The following THBS2 variants were observed in gnomAD, a reference collection of about 807,000 sequenced individuals.
THBS2 encodes thrombospondin-2.
In THBS2, 47 loss-of-function variants were observed where a neutral mutation model predicts 135.2. That is an observed-to-expected ratio of 0.35 (90% CI 0.28 to 0.44). THBS2 has a LOEUF of 0.44. Ranked by LOEUF, THBS2 falls within the 20% of genes least tolerant of loss-of-function variation. THBS2 has a pLI of 1.00. For missense variants in THBS2, 1,288 were observed against 1,603.1 expected (o/e 0.80, Z 3.36); for synonymous variants, 639 against 633.8 (o/e 1.01, Z -0.12).
intron 15 of THBS2, 98 bp downstream of exon 15, chr6:169,228,024 T>A: frequency 7.1e-7 from 1 of 1,416,298 alleles, no homozygotes. Context: ...GAGATCGCAG[T>A]GAGCCAAGAT....
rs1401918247 is a variant in THBS2, at chr6:169,216,627, CATT to C, written c.*1192_*1194del. On this transcript the variant is annotated 3_prime_UTR_variant, in exon 22 of 22. Transcript: ENST00000617924. ...ATTTAAGGTTCCATCATAAACTCCT[CATT>C]ATTCTCTATGTATTCTGTTACAGCT... is the stretch of plus-strand genomic sequence containing the variant. 2.0e-5 allele frequency: 3 copies of C among 152,110 alleles called. No individual in the cohort carries two copies. The highest frequency in any genetic ancestry group is 3.2e-3 in the Middle Eastern group (1 of 316). 9.4% of individuals were successfully genotyped at this position (152,110 alleles called of 1,614,324 possible). A position where few individuals can be genotyped will look rare whatever the true frequency, so the allele number is the denominator to read the frequency against.
intron 9 of THBS2, among the ~76,000 whole-genome samples, 162 bp from the exon 10 acceptor site, chr6:169,235,069 G>C (rs752448466): frequency 3.3e-5 from 5 of 152,160 alleles, no homozygotes; most frequent in African/African-American, 1.2e-4. Flanking sequence ...GAGCGTGATC[G>C]CACCACTACG....
chr6:169,246,326 C>T, intron 3 of THBS2, 45 bp from the exon 4 acceptor site: 2 of 1,457,820 alleles, frequency 1.4e-6, no homozygotes, highest in Non-Finnish European at 1.9e-6. Flanking sequence ...AGATAAACAT[C>T]CAATGTTTGA....
chr6:169,246,110 C>CACACAT (rs1182915701), intron 4 of THBS2, 87 bp downstream of exon 4: 5 of 1,095,366 alleles, frequency 4.6e-6, no homozygotes, highest in Non-Finnish European at 6.8e-6. Flanking sequence ...CATGAATGCA[C>CACACAT]ACACATACAC....
intron 15 of THBS2, among the ~76,000 whole-genome samples, chr6:169,227,888 C>G (rs1779695983): frequency 6.6e-6 from 1 of 152,038 alleles, no homozygotes; most frequent in African/African-American, 2.4e-5. Flanking sequence ...TTGAGACCAG[C>G]CTGGCCAACA....
chr6:169,250,146 A>C (rs1780705257), intron 2 of THBS2, among the ~76,000 whole-genome samples: 1 of 152,240 alleles, frequency 6.6e-6, no homozygotes, highest in African/African-American at 2.4e-5. Context: ...AGAAGTGGGC[A>C]ATGGACCACT....
intron 19 of THBS2, 127 bp from the exon 20 acceptor site, chr6:169,221,654 ATC>A (rs1779434694): frequency 4.0e-6 from 3 of 749,616 alleles, no homozygotes; most frequent in Non-Finnish European, 6.9e-6. Context: ...GGTGCTCCAT[ATC>A]TCTCTGATGT....
In THBS2 at chr6:169,237,650, G is replaced by A. The variant is rs1163849864; in HGVS notation, c.1275C>T (p.Cys425=). The A allele has an allele frequency of 1.2e-6, 2 of 1,612,860 alleles. No homozygotes were observed. Among genetic ancestry groups the A allele is most frequent in the Admixed American group, 1.7e-5 (1 of 60,030 alleles). ...TGCGGGTGTCACACTTGCTCAGACT[G>A]CAAGCCCGTGTCTGGATGGAGGGCC... The part of the protein sequence containing the change: ...CLGPSIQTRA[C]SLSKCDTRIR... The change falls in exon 8 of 22, where the codon TGC becomes TGT. Residue 425 remains cysteine, a synonymous_variant. Transcript: ENST00000617924.
intron 1 of THBS2, 47 bp from the exon 2 acceptor site, chr6:169,250,853 C>G: frequency 7.1e-7 from 1 of 1,417,516 alleles, no homozygotes; most frequent in Non-Finnish European, 9.8e-7. Context: ...ACAGCTGCAA[C>G]CCTGCCTGTG....
chr6:169,240,273 G>C (rs1780242578), intron 6 of THBS2, among the ~76,000 whole-genome samples, 179 bp downstream of exon 6: 1 of 152,180 alleles, frequency 6.6e-6, no homozygotes, highest in Admixed American at 6.5e-5. Flanking sequence ...AAACAAAGAG[G>C]TTGATTCAAG....
chr6:169,253,833 C>T lies in THBS2; in HGVS notation c.-132G>A, dbSNP rs1780831446. The T allele has an allele frequency of 6.6e-6, 1 of 152,258 alleles. No individual in the cohort carries two copies. Among genetic ancestry groups the T allele is most frequent in the Non-Finnish European group, 1.5e-5 (1 of 68,064 alleles). The allele number at this position is 152,258 out of a possible 1,614,324, so 9.4% of individuals were successfully genotyped here. A position where few individuals can be genotyped will look rare whatever the true frequency, so the allele number is the denominator to read the frequency against. ...ACCGGCCCTGCAGTGCAGGATGCTC[C>T]GGTGGACGTGGCCGAGCGGCTCCCG... On this transcript the variant is annotated 5_prime_UTR_variant, in exon 1 of 22. Transcript: ENST00000617924.
rs758237267 is a variant in THBS2, at chr6:169,241,808, C to A, written c.845G>T (p.Gly282Val). 7.4e-6 allele frequency: 12 copies of A among 1,612,366 alleles called. No homozygotes were observed. The African/African-American group carries it at 1.6e-4, about 22-fold the overall frequency. The change falls in exon 5 of 22, where the codon GGG becomes GTG. Residue 282 changes from glycine (G) to valine (V), a missense_variant. Gly to Val is a moderately radical substitution (Grantham distance 109). This residue lies in a region of THBS2 where 414 missense variants were observed against 447.0 expected (regional missense o/e 0.93). Coordinates refer to ENST00000617924, the MANE Select transcript of THBS2 (RefSeq NM_003247.5). The surrounding 1 kb of genome is among the most constrained non-coding windows in gnomAD (Gnocchi z 5.5). ...GAGCTGGTTCACGAGGACGTGGAGC[C>A]CCGAGAGCTCCTGGACCATGTTTCC... ...ELGNMVQELS[G>V]LHVLVNQLSE...
chr6:169,228,338 C>A, intron 14 of THBS2, 57 bp from the exon 15 acceptor site: 1 of 1,588,474 alleles, frequency 6.3e-7, no homozygotes, highest in Non-Finnish European at 8.6e-7. Flanking sequence ...TGTGTCGGGC[C>A]GTTTAGCACT....
intron 2 of THBS2, among the ~76,000 whole-genome samples, chr6:169,250,402 G>C (rs1429794718): frequency 4.6e-5 from 7 of 152,032 alleles, no homozygotes; most frequent in Non-Finnish European, 1.0e-4. Flanking sequence ...TAAACACATG[G>C]GAAAATATTT....
At position 169,225,328 on chromosome 6, in the gene THBS2, T is replaced by G; in HGVS notation, c.2590A>C (p.Ile864Leu). ...TTGTTCTGGTGGCCGTCGTCATCTATGTCCTCGTTGTTGTCACACTGGTCC... is the reference window on the plus strand; with the variant it reads ...TTGTTCTGGTGGCCGTCGTCATCTAGGTCCTCGTTGTTGTCACACTGGTCC... The part of the protein sequence containing the change: ...VGDQCDNNED[I>L]DDDGHQNNQD... Residue 864 changes from isoleucine to leucine, a missense_variant, in exon 17 of 22, where the codon ATA (isoleucine) becomes CTA (leucine). Around this residue, in one of 2 missense-constraint regions of THBS2, gnomAD observed 874 missense variants for 1,156.1 expected, o/e 0.76. Transcript: ENST00000617924. The G allele has an allele frequency of 6.4e-7, 1 of 1,569,024 alleles. No individual in the cohort carries two copies.
At chr6:169,231,867 C>A in intron 13 of THBS2, 113 bp downstream of exon 13, 4 of 975,562 alleles carry the variant, frequency 4.1e-6, no homozygotes, top group Non-Finnish European at 5.8e-6. Flanking sequence ...CCTGAGAGAC[C>A]CTCCTTCCAA....
At chr6:169,247,089 C>A (rs73046015) in intron 3 of THBS2, among the ~76,000 whole-genome samples, 18,682 of 152,126 alleles carry the variant, frequency 0.12, 1,244 homozygotes, top group Non-Finnish European at 0.15. Context: ...TGGTTGTGAT[C>A]AAAAAAGTCT....
intron 13 of THBS2, among the ~76,000 whole-genome samples, chr6:169,231,235 T>C (rs1779821123): frequency 1.3e-5 from 2 of 152,170 alleles, no homozygotes; most frequent in African/African-American, 4.8e-5. Context: ...CAGGTGTTCT[T>C]ATCAAAGAGA....
chr6:169,218,890 G>A (rs1779305000), intron 21 of THBS2, among the ~76,000 whole-genome samples: 2 of 150,908 alleles, frequency 1.3e-5, no homozygotes, highest in Non-Finnish European at 3.0e-5. Context: ...TGGATGATGA[G>A]TGGGTGGGTA....
Sources: gnomAD v4.1 joint callset for allele counts (sites outside exome capture counted in the v4.1 genomes callset) on GRCh38, gnomAD v4.1.1 for gene constraint, gnomAD v4.1.1 regional missense constraint, Gnocchi (gnomAD v3.1) non-coding constraint, MANE v1.5 for transcripts, NCBI Gene and HGNC (gene_info 2026-07-23, HGNC 2026-07-21) for gene names.